PTCHD4: variants seen among roughly 807,000 people sequenced by gnomAD.
The protein encoded by PTCHD4 is patched domain-containing protein 4.
PTCHD4 carries 33 observed loss-of-function variants against 58.1 expected under a neutral mutation model. The ratio of observed to expected loss-of-function variants is 0.57; its 90% CI spans 0.43 to 0.76. The LOEUF is 0.76. Ranked by LOEUF, PTCHD4 falls within the 30% of genes least tolerant of loss-of-function variation. The pLI is 0.00. For missense variants in PTCHD4, 1,058 were observed against 1,027.1 expected (o/e 1.03, Z -0.41); for synonymous variants, 478 against 409.6 (o/e 1.17, Z -2.02).
In PTCHD4 at chr6:47,883,660, G is replaced by C. The variant is rs139542540; in HGVS notation, c.899-3724C>G. Among the ~76,000 whole-genome samples, 417 of 152,126 alleles carry C rather than the reference G, an allele frequency of 2.7e-3. 3 individuals are homozygous for C. Among genetic ancestry groups the C allele is most frequent in the African/African-American group, 8.1e-3 (336 of 41,488 alleles). On this transcript the variant is annotated intron_variant, in intron 4 of 4. Coordinates refer to ENST00000339488, the MANE Select transcript of PTCHD4 (RefSeq NM_001384253.1). ...AAAAGTTTTATTTGTTTAATCCAGG[G>C]TTTCCCAACTGGGCACTATTGACAC...
At chr6:47,946,579 G>A (rs938168229) in intron 4 of PTCHD4, among the ~76,000 whole-genome samples, 3 of 152,042 alleles carry the variant, frequency 2.0e-5, no homozygotes, top group Non-Finnish European at 2.9e-5. Context: ...CTATCATTAT[G>A]TTTAGGATGT....
At chr6:47,905,811 C>T (rs756779791) in intron 4 of PTCHD4, among the ~76,000 whole-genome samples, 40 of 152,326 alleles carry the variant, frequency 2.6e-4, no homozygotes, top group Middle Eastern at 3.4e-3. Context: ...CTGCATCTCT[C>T]AACCTCAGCT....
chr6:47,918,936 C>A (rs1014024367), intron 4 of PTCHD4, among the ~76,000 whole-genome samples: 1 of 152,038 alleles, frequency 6.6e-6, no homozygotes, highest in Admixed American at 6.6e-5. Context: ...TTTCTCCCAC[C>A]CTGCTGGCTG....
chr6:47,941,609 A>G (rs760589042), intron 4 of PTCHD4, among the ~76,000 whole-genome samples: 43 of 152,168 alleles, frequency 2.8e-4, no homozygotes, highest in Non-Finnish European at 5.0e-4. Context: ...AAAGATGCAA[A>G]ATACTCTGGA....
rs1409379339 is a variant in PTCHD4, at chr6:47,862,808, C to T, written c.*15495G>A. Reference sequence around the variant, plus strand: ...TTTGGAATTGTAATACTCATCTGCTCTTCAGTAACAAAGACAGGCTTCTCT... The same window carrying T: ...TTTGGAATTGTAATACTCATCTGCTTTTCAGTAACAAAGACAGGCTTCTCT... On this transcript the variant is annotated 3_prime_UTR_variant, in exon 5 of 5. Transcript: ENST00000339488. Among the ~76,000 whole-genome samples, 1 of 151,864 alleles carries T rather than the reference C, an allele frequency of 6.6e-6. No individual in the cohort carries two copies. Among genetic ancestry groups the T allele is most frequent in the Admixed American group, 6.6e-5 (1 of 15,216 alleles).
intron 3 of PTCHD4, among the ~76,000 whole-genome samples, chr6:48,030,279 T>C (rs1763389531): frequency 6.6e-6 from 1 of 152,250 alleles, no homozygotes; most frequent in South Asian, 2.1e-4. Context: ...AGGGTGACTG[T>C]AGAGAGAAAA....
chr6:48,025,006 G>A (rs1442410035), intron 3 of PTCHD4, among the ~76,000 whole-genome samples: 2 of 152,110 alleles, frequency 1.3e-5, no homozygotes, highest in South Asian at 2.1e-4. Context: ...CACTCTACTG[G>A]ATTGCTAGAG....
chr6:48,096,592 A>G (rs1181192090), intron 1 of PTCHD4, among the ~76,000 whole-genome samples: 10 of 148,438 alleles, frequency 6.7e-5, no homozygotes, highest in African/African-American at 2.5e-4. Context: ...AGCCTGGGCA[A>G]CAGAGCAAGA....
At chr6:47,914,677 CCTAT>C (rs543163605) in intron 4 of PTCHD4, among the ~76,000 whole-genome samples, 77 of 124,124 alleles carry the variant, frequency 6.2e-4, no homozygotes, top group African/African-American at 1.4e-3. Context: ...TATAATAGAA[CCTAT>C]CTATCTATCT....
At chr6:48,042,943 G>T (rs547630397) in intron 3 of PTCHD4, among the ~76,000 whole-genome samples, 2 of 152,026 alleles carry the variant, frequency 1.3e-5, no homozygotes, top group East Asian at 1.9e-4. Context: ...CCAAAGCAAG[G>T]TCTGCTCAGA....
chr6:48,098,345 T>TTCTTCTTCTTCTTCTTCTTCTTC lies in PTCHD4; in HGVS notation c.-970+12703_-970+12704insGAAGAAGAAGAAGAAGAAGAAGA, dbSNP rs1309210161. On this transcript the variant is annotated intron_variant, in intron 1 of 4. Transcript: ENST00000339488. Reference sequence around the variant, plus strand: ...TCTTCTTCTTCTTCTTCTTCTTCTTTTTTTTTTTTTTGAGAGAGAGTCTCG... The same window carrying TTCTTCTTCTTCTTCTTCTTCTTC: ...TCTTCTTCTTCTTCTTCTTCTTCTTTTCTTCTTCTTCTTCTTCTTCTTCTTTTTTTTTTTGAGAGAGAGTCTCG... 8.6e-3 allele frequency among the ~76,000 whole-genome samples: 1,155 copies of TTCTTCTTCTTCTTCTTCTTCTTC among 134,338 alleles called. 22 individuals are homozygous for TTCTTCTTCTTCTTCTTCTTCTTC. The highest frequency in any genetic ancestry group is 0.029 in the African/African-American group (1,001 of 34,188). The allele number at this position is 134,338 out of a possible 152,430, so 88.1% of individuals were successfully genotyped here.
intron 1 of PTCHD4, among the ~76,000 whole-genome samples, chr6:48,077,316 T>C (rs919347768): frequency 2.0e-5 from 3 of 152,246 alleles, no homozygotes; most frequent in African/African-American, 7.2e-5. Flanking sequence ...AAGCAGGACA[T>C]TGACTTCTCC....
chr6:47,884,011 C>T (rs1272227605), intron 4 of PTCHD4, among the ~76,000 whole-genome samples: 4 of 152,152 alleles, frequency 2.6e-5, no homozygotes, highest in East Asian at 3.9e-4. Flanking sequence ...TCCAGAATCC[C>T]GTAACACAGA....
rs1763865788 is a variant in PTCHD4 at position 47,877,034 on chromosome 6, T to C, written c.*1269A>G. ...GTACTGCAGTAGGTGTAGTGAACAC[T>C]ACTATAGTGATCATGGCCTGGGTTA... On this transcript the variant is annotated 3_prime_UTR_variant, in exon 5 of 5. Transcript: ENST00000339488. Among the ~76,000 whole-genome samples, 1 of 152,002 alleles carries C rather than the reference T, an allele frequency of 6.6e-6. No homozygotes were observed. The highest frequency in any genetic ancestry group is 1.9e-4 in the East Asian group (1 of 5,164).
chr6:48,052,339 A>G (rs1397607736), intron 3 of PTCHD4, among the ~76,000 whole-genome samples: 3 of 151,942 alleles, frequency 2.0e-5, no homozygotes, highest in Non-Finnish European at 4.4e-5. Flanking sequence ...TCACAGGTAA[A>G]GAACAGTTTA....
intron 3 of PTCHD4, among the ~76,000 whole-genome samples, chr6:48,062,145 A>C (rs1764651534): frequency 6.6e-6 from 1 of 152,248 alleles, no homozygotes; most frequent in South Asian, 2.1e-4. Context: ...ATTTTGAAAA[A>C]TGCAACATAA....
chr6:47,875,663 A>C lies in PTCHD4; in HGVS notation c.*2640T>G, dbSNP rs1443398480. On this transcript the variant is annotated 3_prime_UTR_variant, in exon 5 of 5. Transcript: ENST00000339488. ...TTTATCTTAGACACTTTGATCCTTG[A>C]AGACATAAACTAAAAAAGAACTGTT... Among the ~76,000 whole-genome samples the C allele has an allele frequency of 6.6e-6, 1 of 151,868 alleles. No individual in the cohort carries two copies. Among genetic ancestry groups the C allele is most frequent in the Non-Finnish European group, 1.5e-5 (1 of 67,896 alleles).
chr6:48,000,420 G>T (rs1453344479), intron 4 of PTCHD4, among the ~76,000 whole-genome samples: 3 of 152,116 alleles, frequency 2.0e-5, no homozygotes, highest in Non-Finnish European at 4.4e-5. Flanking sequence ...GTGCCTAGGG[G>T]TTAAGAAAAC....
chr6:48,083,529 G>C (rs1271471616), intron 1 of PTCHD4, among the ~76,000 whole-genome samples: 1 of 152,094 alleles, frequency 6.6e-6, no homozygotes, highest in African/African-American at 2.4e-5. Flanking sequence ...TATAACAAAA[G>C]GGACATTGCA....
Sources: allele counts gnomAD v4.1 joint callset (sites outside exome capture counted in the v4.1 genomes callset), GRCh38; gene constraint gnomAD v4.1.1; transcripts MANE v1.5; gene names NCBI Gene and HGNC (gene_info 2026-07-23, HGNC 2026-07-21).